Variants in ANO4 observed in about 807,000 individuals in gnomAD.
The protein encoded by ANO4 is anoctamin 4, also known as anoctamin-4.
In ANO4, 69 loss-of-function variants were observed where a neutral mutation model predicts 141.9. The ratio of observed to expected loss-of-function variants is 0.49; its 90% CI spans 0.40 to 0.59. The LOEUF (loss-of-function observed/expected upper bound fraction) is 0.59, where lower values mean the gene tolerates loss of function less well. Among genes scored for constraint, ANO4 ranks in the 20% least tolerant of loss-of-function variants. ANO4 has a pLI of 0.00. For synonymous variants in ANO4, 350 were observed against 394.3 expected, an observed-to-expected ratio of 0.89 and a Z score of 1.33; for missense variants, 894 against 1,162.2, an observed-to-expected ratio of 0.77 and a Z score of 3.36.
chr12:101,088,634 G>A (rs934356109), intron 17 of ANO4, among the ~76,000 whole-genome samples: 4 of 151,842 alleles, frequency 2.6e-5, no homozygotes, highest in Admixed American at 6.6e-5. Context: ...CAAAAGTAGT[G>A]CCTGACATGG....
chr12:101,033,440 A>C (rs539175184), intron 9 of ANO4, among the ~76,000 whole-genome samples: 4 of 152,130 alleles, frequency 2.6e-5, no homozygotes, highest in Non-Finnish European at 5.9e-5. Flanking sequence ...CACAATGTGC[A>C]CATGTACCCT....
intron 5 of ANO4, among the ~76,000 whole-genome samples, chr12:100,964,983 C>T (rs150753039): frequency 6.7e-4 from 102 of 152,302 alleles, no homozygotes; most frequent in African/African-American, 2.0e-3. Context: ...TTGTTCACAG[C>T]TGTATTCCCA....
At chr12:100,837,720 TAA>T (rs66789704) in intron 1 of ANO4, among the ~76,000 whole-genome samples, 4,093 of 122,596 alleles carry the variant, frequency 0.033, 188 homozygotes, top group African/African-American at 0.12. Context: ...ACCTTGTCTC[TAA>T]AAAAAAAAAA....
chr12:100,740,933 ATATT>A (rs2031837522), intron 3 of ANO4, among the ~76,000 whole-genome samples: 1 of 152,184 alleles, frequency 6.6e-6, no homozygotes, highest in Non-Finnish European at 1.5e-5. Flanking sequence ...AAACGCTGAA[ATATT>A]TATTATCTGG....
chr12:100,722,221 C>G (rs1416810800), intron 1 of ANO4, among the ~76,000 whole-genome samples: 1 of 152,096 alleles, frequency 6.6e-6, no homozygotes, highest in East Asian at 1.9e-4. Flanking sequence ...CTTGCCCTGC[C>G]CTCTGTTCTT....
intron 1 of ANO4, among the ~76,000 whole-genome samples, chr12:100,846,020 C>T (rs1565930432): frequency 6.6e-6 from 1 of 152,180 alleles, no homozygotes; most frequent in Non-Finnish European, 1.5e-5. Flanking sequence ...ACCCTTGAAA[C>T]TCTGGGTGAA....
intron 7 of ANO4, among the ~76,000 whole-genome samples, chr12:100,986,828 A>G (rs2044728244): frequency 6.6e-6 from 1 of 152,168 alleles, no homozygotes; most frequent in African/African-American, 2.4e-5. Flanking sequence ...AAGTCAGTGG[A>G]ACCGAGGGAC....
At chr12:100,979,340 G>T (rs918985031) in intron 7 of ANO4, among the ~76,000 whole-genome samples, 6 of 152,112 alleles carry the variant, frequency 3.9e-5, no homozygotes, top group Non-Finnish European at 7.4e-5. Flanking sequence ...ATCACTGGGC[G>T]CATCCCCAGT....
chr12:100,988,562 G>A (rs1249908812), intron 8 of ANO4, among the ~76,000 whole-genome samples: 2 of 148,498 alleles, frequency 1.3e-5, no homozygotes, highest in Non-Finnish European at 3.0e-5. Flanking sequence ...AAAAAAAAAA[G>A]GTTGCTGATT....
intron 1 of ANO4, among the ~76,000 whole-genome samples, chr12:100,836,596 C>T (rs116734653): frequency 0.014 from 2,067 of 148,642 alleles, 43 homozygotes; most frequent in African/African-American, 0.047. Context: ...TAGTGTGATA[C>T]GGGCTGTGAT....
At chr12:100,942,602 A>T in intron 5 of ANO4, 67 bp downstream of exon 5, 1 of 1,500,628 alleles carries the variant, frequency 6.7e-7, no homozygotes, top group Non-Finnish European at 9.0e-7. Flanking sequence ...GCAATAAGAA[A>T]TAAGCAAGCA....
At chr12:101,068,488 C>T in intron 14 of ANO4, 1 of 994,274 alleles carries the variant, frequency 1.0e-6, no homozygotes, top group Non-Finnish European at 1.6e-6. Flanking sequence ...ACCCTGTTCT[C>T]AGTAAAGATC....
At chr12:101,033,172 A>G (rs1365063510) in intron 9 of ANO4, among the ~76,000 whole-genome samples, 3 of 152,210 alleles carry the variant, frequency 2.0e-5, no homozygotes, top group Non-Finnish European at 4.4e-5. Flanking sequence ...TTGTAGGGAC[A>G]TGAATGAAAT....
chr12:101,128,391 A>G lies in ANO4; in HGVS notation c.*535A>G, dbSNP rs986085397. 6.6e-6 allele frequency: 1 copy of G among 152,626 alleles called. No homozygotes were observed. Among genetic ancestry groups the G allele is most frequent in the African/African-American group, 2.4e-5 (1 of 41,428 alleles). 9.5% of individuals were successfully genotyped at this position (152,626 alleles called of 1,614,324 possible). A position where few individuals can be genotyped will look rare whatever the true frequency, so the allele number is the denominator to read the frequency against. On this transcript the variant is annotated 3_prime_UTR_variant, in exon 28 of 28. Transcript: ENST00000392977. ...AGATTATTATATATGACATATCTAT[A>G]GCTATGTGTATGGCCATAGATGTAT...
intron 3 of ANO4, among the ~76,000 whole-genome samples, chr12:100,741,099 A>G (rs2031844454): frequency 6.6e-6 from 1 of 152,204 alleles, no homozygotes. Flanking sequence ...TGGCCATGCA[A>G]GGATGGCCAG....
intron 26 of ANO4, among the ~76,000 whole-genome samples, chr12:101,121,485 G>A (rs2137060190): frequency 6.6e-6 from 1 of 152,194 alleles, no homozygotes; most frequent in South Asian, 2.1e-4. Flanking sequence ...GTCCACCATT[G>A]ATGGGCACCC....
chr12:101,065,524 A>G (rs1416256662), intron 14 of ANO4, among the ~76,000 whole-genome samples: 2 of 152,222 alleles, frequency 1.3e-5, no homozygotes, highest in South Asian at 2.1e-4. Context: ...AAATGCACAA[A>G]TTCTTAGACT....
chr12:101,029,907 T>A (rs199793589), intron 9 of ANO4, among the ~76,000 whole-genome samples: 1 of 96,200 alleles, frequency 1.0e-5, no homozygotes, highest in Non-Finnish European at 1.9e-5. Flanking sequence ...AGTCTCCGTC[T>A]AAAAAAAAAA....
At chr12:100,957,883 T>A (rs900199502) in intron 5 of ANO4, among the ~76,000 whole-genome samples, 2 of 152,254 alleles carry the variant, frequency 1.3e-5, no homozygotes, top group South Asian at 4.1e-4. Context: ...TTATATATTT[T>A]TTTTAGTAGA....
Sources: gnomAD v4.1 joint callset for allele counts (sites outside exome capture counted in the v4.1 genomes callset) on GRCh38, gnomAD v4.1.1 for gene constraint, MANE v1.5 for transcripts, NCBI Gene and HGNC (gene_info 2026-07-23, HGNC 2026-07-21) for gene names.